Variants in SUGCT observed in about 807,000 individuals in gnomAD.
SUGCT encodes the protein succinyl-CoA:glutarate CoA-transferase.
In SUGCT, 41 loss-of-function variants were observed where a neutral mutation model predicts 55.0. The observed-to-expected ratio is 0.74, with a 90% CI of 0.58 to 0.97. SUGCT has a LOEUF of 0.97. Among genes scored for constraint, SUGCT ranks in the 50% least tolerant of loss-of-function variants. The pLI is 0.00. For missense variants in SUGCT, 568 were observed against 547.8 expected (o/e 1.04, Z -0.37); for synonymous variants, 187 against 200.4 (o/e 0.93, Z 0.56).
chr7:40,899,606 T>C, the SUGCT span, among the ~76,000 whole-genome samples: 103 of 151,738 alleles, frequency 6.8e-4, 1 homozygote, highest in Middle Eastern at 6.9e-3. Flanking sequence ...GTAACTCCCG[T>C]CTCTTGAGCA....
intron 11 of SUGCT, among the ~76,000 whole-genome samples, chr7:40,460,184 A>G (rs192486933): frequency 5.3e-4 from 81 of 152,292 alleles, no homozygotes; most frequent in Non-Finnish European, 1.8e-4. Flanking sequence ...ACATTCATCT[A>G]TCTATTTTTC....
At chr7:40,578,001 C>T (rs574147318) in intron 12 of SUGCT, among the ~76,000 whole-genome samples, 1 of 152,228 alleles carries the variant, frequency 6.6e-6, no homozygotes, top group South Asian at 2.1e-4. Context: ...TTCATTAATT[C>T]TTCAAACCAT....
intron 13 of SUGCT, among the ~76,000 whole-genome samples, chr7:40,845,557 C>A (rs1793511112): frequency 6.6e-6 from 1 of 152,082 alleles, no homozygotes; most frequent in Admixed American, 6.6e-5. Flanking sequence ...GACTGTGGGG[C>A]TAGCAAGGTA....
At chr7:40,791,092 A>G (rs1390559008) in intron 13 of SUGCT, among the ~76,000 whole-genome samples, 1 of 152,204 alleles carries the variant, frequency 6.6e-6, no homozygotes, top group Non-Finnish European at 1.5e-5. Flanking sequence ...CCTTTCTTTT[A>G]CAAAATTCAT....
intron 6 of SUGCT, among the ~76,000 whole-genome samples, chr7:40,221,011 AC>A (rs1448030376): frequency 6.6e-6 from 1 of 152,246 alleles, no homozygotes; most frequent in African/African-American, 2.4e-5. Flanking sequence ...CAGTGGAGAT[AC>A]AAAATATATG....
intron 11 of SUGCT, among the ~76,000 whole-genome samples, chr7:40,475,241 C>A (rs1790601330): frequency 6.6e-6 from 1 of 152,164 alleles, no homozygotes; most frequent in Non-Finnish European, 1.5e-5. Flanking sequence ...TTTCACGAAT[C>A]TGACCAACAT....
intron 9 of SUGCT, among the ~76,000 whole-genome samples, chr7:40,384,553 TA>T (rs1407597868): frequency 1.3e-5 from 2 of 151,820 alleles, no homozygotes; most frequent in African/African-American, 2.4e-5. Context: ...CCTTAGTCAG[TA>T]ATTTTTTTTT....
At chr7:40,731,821 T>A (rs1786902967) in intron 12 of SUGCT, among the ~76,000 whole-genome samples, 1 of 152,202 alleles carries the variant, frequency 6.6e-6, no homozygotes, top group African/African-American at 2.4e-5. Flanking sequence ...TAGAATACCA[T>A]CTAGTTGACT....
intron 12 of SUGCT, among the ~76,000 whole-genome samples, chr7:40,670,191 A>AAAAG (rs1801867110): frequency 6.7e-6 from 1 of 148,784 alleles, no homozygotes; most frequent in Non-Finnish European, 1.5e-5. Context: ...AAAAAAAAAA[A>AAAAG]AAGAAGAAGA....
chr7:40,295,449 G>A (rs1433646817), intron 8 of SUGCT, among the ~76,000 whole-genome samples: 39 of 152,102 alleles, frequency 2.6e-4, no homozygotes, highest in Admixed American at 2.5e-3. Context: ...GGTGGCGCAC[G>A]CCTGTAATCC....
At chr7:40,957,828 T>C in the SUGCT span, among the ~76,000 whole-genome samples, 1 of 152,162 alleles carries the variant, frequency 6.6e-6, no homozygotes, top group African/African-American at 2.4e-5. Context: ...ATTTAGTGCT[T>C]CCTTCAGGAG....
chr7:40,704,593 G>T (rs1046966378), intron 12 of SUGCT, among the ~76,000 whole-genome samples: 22 of 152,156 alleles, frequency 1.4e-4, no homozygotes, highest in African/African-American at 5.3e-4. Context: ...TTATGTTACA[G>T]CTTGGCACAG....
intron 13 of SUGCT, among the ~76,000 whole-genome samples, chr7:40,752,439 TCCACCTC>T (rs1204519468): frequency 6.6e-6 from 1 of 152,214 alleles, no homozygotes; most frequent in Non-Finnish European, 1.5e-5. Flanking sequence ...CACTGCAACC[TCCACCTC>T]CCAGGTTTAA....
At chr7:40,474,323 C>T (rs1434298203) in intron 11 of SUGCT, among the ~76,000 whole-genome samples, 1 of 151,840 alleles carries the variant, frequency 6.6e-6, no homozygotes, top group African/African-American at 2.4e-5. Flanking sequence ...GGCAGAGGGG[C>T]AGGGAAGTGA....
At position 40,664,979 on chromosome 7, in the gene SUGCT, CAA is replaced by C. The variant is rs11344902; in HGVS notation, c.1090-84438_1090-84437del. On this transcript the variant is annotated intron_variant, in intron 12 of 13. Coordinates refer to ENST00000335693, the MANE Select transcript of SUGCT (RefSeq NM_001193313.2). ...TGGGAGACAGTGAGAGACTCTGTCT[CAA>C]AAAAAAAAAAAAAAAATCTTTTTCT... Among the ~76,000 whole-genome samples the C allele has an allele frequency of 3.6e-3, 395 of 109,386 alleles. 1 individual carries two copies. Among genetic ancestry groups the C allele is most frequent in the African/African-American group, 0.01 (352 of 34,152 alleles). The allele number at this position is 109,386 out of a possible 152,430, so 71.8% of individuals were successfully genotyped here.
intron 11 of SUGCT, among the ~76,000 whole-genome samples, chr7:40,481,460 C>T (rs141365940): frequency 6.6e-6 from 1 of 151,684 alleles, no homozygotes; most frequent in Non-Finnish European, 1.5e-5. Flanking sequence ...GTGGGATATT[C>T]TAATTTTATC....
At chr7:40,851,038 G>T (rs1793825469) in intron 13 of SUGCT, among the ~76,000 whole-genome samples, 1 of 152,158 alleles carries the variant, frequency 6.6e-6, no homozygotes. Context: ...TTATACCAGT[G>T]TCATGCCCAT....
At chr7:40,642,290 T>TAC (rs1562920697) in intron 12 of SUGCT, among the ~76,000 whole-genome samples, 1 of 152,230 alleles carries the variant, frequency 6.6e-6, no homozygotes, top group African/African-American at 2.4e-5. Flanking sequence ...AATGCAGAGA[T>TAC]ACTAAACCTT....
At chr7:40,185,156 C>T (rs1430809087) in intron 3 of SUGCT, among the ~76,000 whole-genome samples, 2 of 152,090 alleles carry the variant, frequency 1.3e-5, no homozygotes, top group East Asian at 1.9e-4. Flanking sequence ...TGGATACATG[C>T]GGAAGAATGT....
Sources: allele counts gnomAD v4.1 joint callset (sites outside exome capture counted in the v4.1 genomes callset), GRCh38; gene constraint gnomAD v4.1.1; transcripts MANE v1.5; gene names NCBI Gene and HGNC (gene_info 2026-07-23, HGNC 2026-07-21).